Variants in SCEL observed in about 807,000 individuals in gnomAD.
The protein encoded by SCEL is sciellin.
Under a neutral mutation model 117.6 loss-of-function variants are expected in SCEL, and 113 were observed. That is an observed-to-expected ratio of 0.96 (90% CI 0.83 to 1.12). The LOEUF (loss-of-function observed/expected upper bound fraction) is 1.12. SCEL is among the 50% of genes most tolerant of loss of function. The pLI, the probability that SCEL is intolerant of heterozygous loss-of-function variation, is 0.00. For synonymous variants in SCEL, 270 were observed against 256.2 expected, an observed-to-expected ratio of 1.05 and a Z score of -0.51; for missense variants, 785 against 810.8, an observed-to-expected ratio of 0.97 and a Z score of 0.39.
chr13:77,552,926 T>G (rs201655150), intron 1 of SCEL, among the ~76,000 whole-genome samples: 1 of 152,306 alleles, frequency 6.6e-6, no homozygotes, highest in African/African-American at 2.4e-5. Context: ...TTTCTACATA[T>G]GGCTAGCCAG....
intron 1 of SCEL, 94 bp from the exon 2 acceptor site, chr13:77,555,763 C>A: frequency 3.6e-6 from 3 of 840,160 alleles, no homozygotes; most frequent in Non-Finnish European, 6.1e-6. Context: ...GACTATGTCA[C>A]TGTCATTGAA....
intron 29 of SCEL, among the ~76,000 whole-genome samples, chr13:77,636,569 T>C (rs541814907): frequency 1.3e-5 from 2 of 152,274 alleles, no homozygotes; most frequent in South Asian, 2.1e-4. Context: ...CTCCAGGAAA[T>C]AGTGGTGTTT....
At chr13:77,616,010 G>T (rs1159251159) in intron 24 of SCEL, among the ~76,000 whole-genome samples, 1 of 137,458 alleles carries the variant, frequency 7.3e-6, no homozygotes, top group Admixed American at 7.9e-5. Context: ...CTCTCTGTGT[G>T]TGTGTGTGTG....
chr13:77,569,485 A>T, intron 8 of SCEL, 34 bp downstream of exon 8: 1 of 1,514,464 alleles, frequency 6.6e-7, no homozygotes, highest in South Asian at 1.1e-5. Flanking sequence ...CCTCTTGCTG[A>T]TACACTATGA....
At chr13:77,631,587 T>C (rs1323614) in intron 28 of SCEL, among the ~76,000 whole-genome samples, 140,455 of 152,202 alleles carry the variant, frequency 0.92, 64,866 homozygotes, top group South Asian at 0.97. Context: ...TACAGGGACT[T>C]TCTGTGTCAT....
At chr13:77,549,118 T>G (rs2084158152) in intron 1 of SCEL, among the ~76,000 whole-genome samples, 5 of 152,176 alleles carry the variant, frequency 3.3e-5, no homozygotes, top group Admixed American at 3.3e-4. Flanking sequence ...CTACTTTTAG[T>G]TTTTTGAGAA....
At chr13:77,567,435 C>T (rs997495871) in intron 5 of SCEL, among the ~76,000 whole-genome samples, 4 of 152,206 alleles carry the variant, frequency 2.6e-5, no homozygotes, top group African/African-American at 9.6e-5. Context: ...GCCTGGGCAA[C>T]AGAGCAAGAC....
At chr13:77,549,838 T>C (rs966297087) in intron 1 of SCEL, among the ~76,000 whole-genome samples, 6 of 152,144 alleles carry the variant, frequency 3.9e-5, no homozygotes, top group Non-Finnish European at 8.8e-5. Flanking sequence ...TACAGATGCA[T>C]ACCAGGGAGA....
Position 77,567,663 on chromosome 13 carries a change from C to CTT in SCEL, c.291-16_291-15dup, listed in dbSNP as rs2085362651. The CTT allele has an allele frequency of 1.3e-6, 2 of 1,587,500 alleles. No individual in the cohort carries two copies. Among genetic ancestry groups the CTT allele is most frequent in the Admixed American group, 3.4e-5 (2 of 58,704 alleles). On this transcript the variant is annotated splice_polypyrimidine_tract_variant and intron_variant, in intron 5 of 32. Transcript: ENST00000349847. The stretch of plus-strand genomic sequence containing the variant: ...TTTAAATATTTATCCAGACTTTTGT[C>CTT]TTGTTTCTTTATAAAGGATCTCAGA...
Position 77,603,150 on chromosome 13 carries a change from T to A in SCEL, c.1097+15T>A. 3.5e-6 allele frequency: 5 copies of A among 1,436,212 alleles called. No individual in the cohort carries two copies. The highest frequency in any genetic ancestry group is 4.8e-6 in the Non-Finnish European group (5 of 1,042,960). The allele number at this position is 1,436,212 out of a possible 1,614,324, so 89.0% of individuals were successfully genotyped here. ...AATACCACTGGGTAAAAATAATTAATGTCTTTAATTATGGTTTCTGTTAAG... is the reference window on the plus strand; with the variant it reads ...AATACCACTGGGTAAAAATAATTAAAGTCTTTAATTATGGTTTCTGTTAAG... On this transcript the variant is annotated intron_variant, in intron 18 of 32. Transcript: ENST00000349847.
chr13:77,629,298 T>C (rs2089920655), intron 28 of SCEL, among the ~76,000 whole-genome samples: 1 of 152,144 alleles, frequency 6.6e-6, no homozygotes, highest in Non-Finnish European at 1.5e-5. Flanking sequence ...TCACTGAGTA[T>C]TGGCTTTTGT....
chr13:77,619,700 A>G (rs1051978612), intron 27 of SCEL, among the ~76,000 whole-genome samples: 3 of 152,216 alleles, frequency 2.0e-5, no homozygotes, highest in Non-Finnish European at 4.4e-5. Flanking sequence ...ATCTTTGTTA[A>G]GTAGAGCCCT....
At chr13:77,561,246 G>C (rs1320775676) in intron 4 of SCEL, among the ~76,000 whole-genome samples, 1 of 152,202 alleles carries the variant, frequency 6.6e-6, no homozygotes, top group Non-Finnish European at 1.5e-5. Context: ...TTTTTTAAGT[G>C]TGAAATACGC....
At chr13:77,600,328 C>T (rs574656088) in intron 15 of SCEL, among the ~76,000 whole-genome samples, 71 of 152,124 alleles carry the variant, frequency 4.7e-4, no homozygotes, top group African/African-American at 1.6e-3. Context: ...GGTGTTTTAC[C>T]ATGTTGGCCA....
intron 1 of SCEL, among the ~76,000 whole-genome samples, chr13:77,550,316 G>T (rs1593889403): frequency 2.0e-5 from 3 of 151,190 alleles, no homozygotes; most frequent in East Asian, 3.9e-4. Flanking sequence ...AACCCAGGAG[G>T]CAGAGGTTGC....
intron 22 of SCEL, among the ~76,000 whole-genome samples, chr13:77,611,533 C>A (rs190203022): frequency 3.9e-5 from 6 of 152,302 alleles, no homozygotes; most frequent in Admixed American, 2.0e-4. Flanking sequence ...TGCCTTTTCC[C>A]TCTCCCGAGA....
At chr13:77,621,823 G>C (rs903720691) in intron 27 of SCEL, among the ~76,000 whole-genome samples, 16 of 152,124 alleles carry the variant, frequency 1.1e-4, no homozygotes, top group Non-Finnish European at 2.4e-4. Flanking sequence ...TGGTCTCCTT[G>C]CTTGAGCCAA....
intron 24 of SCEL, among the ~76,000 whole-genome samples, chr13:77,615,559 A>G (rs531130132): frequency 4.9e-4 from 74 of 152,220 alleles, no homozygotes; most frequent in African/African-American, 1.8e-3. Flanking sequence ...AGTAATAATA[A>G]CCTAAATATC....
rs1255644311 is a variant in SCEL, at chr13:77,644,924, C to T, written c.*650C>T. 1 of 152,122 alleles carries T rather than the reference C, an allele frequency of 6.6e-6. No homozygotes were observed. The highest frequency in any genetic ancestry group is 2.4e-5 in the African/African-American group (1 of 41,422). The allele number at this position is 152,122 out of a possible 1,614,324, so 9.4% of individuals were successfully genotyped here. On this transcript the variant is annotated 3_prime_UTR_variant, in exon 33 of 33. Transcript: ENST00000349847. ...CATTAGCTCTTTGGAAACATATATG[C>T]ATACATGTTTGTTAAGCCTATTGAA...
Sources: allele counts gnomAD v4.1 joint callset (sites outside exome capture counted in the v4.1 genomes callset), GRCh38; gene constraint gnomAD v4.1.1; transcripts MANE v1.5; gene names NCBI Gene and HGNC (gene_info 2026-07-23, HGNC 2026-07-21).